Variants in HS3ST4 observed in about 807,000 individuals in gnomAD.
HS3ST4 encodes the protein heparan sulfate glucosamine 3-O-sulfotransferase 4.
Under a neutral mutation model 29.2 loss-of-function variants are expected in HS3ST4, and 17 were observed. That is an observed-to-expected ratio of 0.58 (90% confidence interval 0.40 to 0.87). The LOEUF (loss-of-function observed/expected upper bound fraction) is 0.87, where lower values mean the gene tolerates loss of function less well. Among genes scored for constraint, HS3ST4 ranks in the 40% least tolerant of loss-of-function variants. The probability of loss-of-function intolerance (pLI) is 0.00; values close to 1 mark genes in which losing one functional copy is unlikely to be tolerated. For synonymous variants in HS3ST4, 314 were observed against 285.7 expected (o/e 1.10, Z -1.00); for missense variants, 627 against 634.5 (o/e 0.99, Z 0.13).
chr16:26,083,945 G>C (rs1193696292), intron 1 of HS3ST4, among the ~76,000 whole-genome samples: 1 of 152,162 alleles, frequency 6.6e-6, no homozygotes, highest in South Asian at 2.1e-4. Context: ...AAATTGCAGA[G>C]AAAATTATAG....
chr16:26,116,005 G>A (rs1464818823), intron 1 of HS3ST4, among the ~76,000 whole-genome samples: 3 of 152,224 alleles, frequency 2.0e-5, no homozygotes, highest in African/African-American at 7.2e-5. Flanking sequence ...ACACATTTAT[G>A]TTCTCACAGT....
At chr16:25,750,247 G>A (rs1966710420) in intron 1 of HS3ST4, among the ~76,000 whole-genome samples, 1 of 152,176 alleles carries the variant, frequency 6.6e-6, no homozygotes. Flanking sequence ...GGAGACCTCA[G>A]AGTAGTCCAA....
At chr16:26,118,754 C>G (rs1036768972) in intron 1 of HS3ST4, among the ~76,000 whole-genome samples, 1 of 151,956 alleles carries the variant, frequency 6.6e-6, no homozygotes, top group Non-Finnish European at 1.5e-5. Flanking sequence ...AATGCCAGGT[C>G]CCTGCAGGGA....
At chr16:25,702,980 G>A (rs1966345264) in intron 1 of HS3ST4, among the ~76,000 whole-genome samples, 1 of 152,032 alleles carries the variant, frequency 6.6e-6, no homozygotes, top group Non-Finnish European at 1.5e-5. Context: ...CTCACGTGGT[G>A]AAACCCCGTC....
chr16:26,132,238 T>C (rs1232940448), intron 1 of HS3ST4, among the ~76,000 whole-genome samples: 1 of 152,116 alleles, frequency 6.6e-6, no homozygotes, highest in Non-Finnish European at 1.5e-5. Flanking sequence ...CAGAATCAGT[T>C]TGAGGAAAGG....
At chr16:25,885,258 A>T (rs1421541214) in intron 1 of HS3ST4, among the ~76,000 whole-genome samples, 1 of 152,178 alleles carries the variant, frequency 6.6e-6, no homozygotes, top group Non-Finnish European at 1.5e-5. Context: ...CAAGATGGGG[A>T]CTTCCTCTGC....
chr16:26,043,086 T>G (rs190436291), intron 1 of HS3ST4, among the ~76,000 whole-genome samples: 204 of 152,288 alleles, frequency 1.3e-3, no homozygotes, highest in African/African-American at 4.6e-3. Flanking sequence ...AAAATGGTAT[T>G]GCTGTGTGTT....
At chr16:25,759,591 G>A (rs1966776852) in intron 1 of HS3ST4, among the ~76,000 whole-genome samples, 1 of 152,164 alleles carries the variant, frequency 6.6e-6, no homozygotes, top group Non-Finnish European at 1.5e-5. Flanking sequence ...GAAGGATGGA[G>A]TTCCGTGTTA....
chr16:25,742,352 A>G (rs1367914416), intron 1 of HS3ST4, among the ~76,000 whole-genome samples: 2 of 152,140 alleles, frequency 1.3e-5, no homozygotes, highest in African/African-American at 4.8e-5. Context: ...TCCACCAAAA[A>G]TCTCAGTGTT....
chr16:26,023,423 A>G (rs1969435768), intron 1 of HS3ST4, among the ~76,000 whole-genome samples: 1 of 151,950 alleles, frequency 6.6e-6, no homozygotes, highest in Non-Finnish European at 1.5e-5. Flanking sequence ...TTTTTAAGAC[A>G]GGGTCTCACT....
At chr16:25,839,660 G>A (rs1029384249) in intron 1 of HS3ST4, among the ~76,000 whole-genome samples, 1 of 152,124 alleles carries the variant, frequency 6.6e-6, no homozygotes, top group South Asian at 2.1e-4. Flanking sequence ...AAATGCCAGG[G>A]TCTCACAACA....
At chr16:25,895,634 T>A (rs1968054760) in intron 1 of HS3ST4, among the ~76,000 whole-genome samples, 1 of 152,002 alleles carries the variant, frequency 6.6e-6, no homozygotes, top group African/African-American at 2.4e-5. Flanking sequence ...AGGCAGGAAG[T>A]CCTAGGTCAA....
At chr16:25,948,261 T>A (rs1027456162) in intron 1 of HS3ST4, among the ~76,000 whole-genome samples, 4 of 152,126 alleles carry the variant, frequency 2.6e-5, no homozygotes, top group Admixed American at 1.3e-4. Context: ...TGAAACGTGA[T>A]CATTCAAAAT....
At chr16:26,036,817 A>G (rs1258085453) in intron 1 of HS3ST4, among the ~76,000 whole-genome samples, 3 of 152,254 alleles carry the variant, frequency 2.0e-5, no homozygotes, top group African/African-American at 7.2e-5. Flanking sequence ...TATCTAGAAC[A>G]AAAGGAAAGC....
chr16:25,737,067 TG>T (rs1446072432), intron 1 of HS3ST4, among the ~76,000 whole-genome samples: 2 of 151,954 alleles, frequency 1.3e-5, no homozygotes, highest in African/African-American at 4.8e-5. Flanking sequence ...ATTTTAGATT[TG>T]GGGGTACATA....
intron 1 of HS3ST4, among the ~76,000 whole-genome samples, chr16:25,916,202 A>G (rs1019579407): frequency 6.6e-6 from 1 of 152,214 alleles, no homozygotes; most frequent in Non-Finnish European, 1.5e-5. Context: ...ATTCAAATCT[A>G]GATCTGTCTG....
At chr16:26,078,971 C>A (rs1293174352) in intron 1 of HS3ST4, among the ~76,000 whole-genome samples, 1 of 152,128 alleles carries the variant, frequency 6.6e-6, no homozygotes, top group African/African-American at 2.4e-5. Flanking sequence ...CTGTTGGTAC[C>A]AATTCAGAAA....
intron 1 of HS3ST4, among the ~76,000 whole-genome samples, chr16:25,753,921 A>T (rs1306069568): frequency 2.6e-5 from 4 of 152,202 alleles, no homozygotes; most frequent in Non-Finnish European, 5.9e-5. Context: ...CAATGCCTTC[A>T]TGCAATTTGC....
rs574503475 is a variant in HS3ST4, at chr16:25,693,068, C to T, written c.651C>T (p.Ile217=). Residue 217 remains isoleucine (I), a synonymous_variant, in exon 1 of 2, where the codon ATC becomes ATT. Coordinates refer to ENST00000331351, the MANE Select transcript of HS3ST4 (RefSeq NM_006040.3). ...GGACCCGCGCGCTGCTGGAGGCGAT[C>T]CGCGTGCACCCGGACGTGCGGGCGG... ...KGGTRALLEA[I]RVHPDVRAVG... is the part of the protein sequence containing the mutation. 3.0e-5 allele frequency: 49 copies of T among 1,608,454 alleles called. No individual in the cohort carries two copies. In the South Asian group the frequency reaches 5.1e-4, roughly 17 times the overall value.
Sources: gnomAD v4.1 joint callset for allele counts (sites outside exome capture counted in the v4.1 genomes callset) on GRCh38, gnomAD v4.1.1 for gene constraint, MANE v1.5 for transcripts, NCBI Gene and HGNC (gene_info 2026-07-23, HGNC 2026-07-21) for gene names.